The following SLC39A11 variants were observed in gnomAD, a reference collection of about 807,000 sequenced individuals.
The protein encoded by SLC39A11 is solute carrier family 39 member 11, also known as zinc transporter ZIP11.
In SLC39A11, 33 loss-of-function variants were observed where a neutral mutation model predicts 36.1. The observed-to-expected ratio is 0.91, with a 90% CI of 0.69 to 1.22. The LOEUF (loss-of-function observed/expected upper bound fraction) is 1.22. SLC39A11 is among the 50% of genes most tolerant of loss of function. The pLI, the probability that SLC39A11 is intolerant of heterozygous loss-of-function variation, is 0.00. For missense variants in SLC39A11, 432 were observed against 430.3 expected, an observed-to-expected ratio of 1.00 and a Z score of -0.03; for synonymous variants, 166 against 170.3, an observed-to-expected ratio of 0.97 and a Z score of 0.20.
chr17:72,662,498 G>A (rs1352916626), intron 7 of SLC39A11, among the ~76,000 whole-genome samples: 1 of 125,500 alleles, frequency 8.0e-6, no homozygotes, highest in Non-Finnish European at 1.6e-5. Context: ...AGAAAAGGAA[G>A]GAAGGAGGGA....
chr17:72,900,140 AAAAGAAAG>A (rs141681340), intron 5 of SLC39A11, among the ~76,000 whole-genome samples: 3 of 43,902 alleles, frequency 6.8e-5, no homozygotes, highest in South Asian at 6.6e-4. Context: ...GAAAGAAAGA[AAAAGAAAG>A]AAAGAAAAGA....
intron 6 of SLC39A11, among the ~76,000 whole-genome samples, chr17:72,777,723 G>A (rs2076180469): frequency 6.6e-6 from 1 of 152,164 alleles, no homozygotes; most frequent in African/African-American, 2.4e-5. Flanking sequence ...AGAACTGTGA[G>A]AGAATACATT....
At chr17:72,878,862 T>A (rs2081051859) in intron 5 of SLC39A11, among the ~76,000 whole-genome samples, 1 of 152,224 alleles carries the variant, frequency 6.6e-6, no homozygotes. Flanking sequence ...AGACTGCCCA[T>A]ACTTCAGGTC....
intron 4 of SLC39A11, among the ~76,000 whole-genome samples, chr17:72,991,450 C>A (rs549280211): frequency 6.6e-6 from 1 of 152,120 alleles, no homozygotes; most frequent in East Asian, 1.9e-4. Context: ...CTCCACCTCC[C>A]GGGTTGAAGC....
At position 72,696,903 on chromosome 17, in the gene SLC39A11, G is replaced by A. The variant is rs75696664; in HGVS notation, c.671+39747C>T. 7.6e-4 allele frequency among the ~76,000 whole-genome samples: 115 copies of A among 152,222 alleles called. 1 individual carries two copies. In the East Asian group the frequency reaches 0.02, roughly 27 times the overall value. On this transcript the variant is annotated intron_variant, in intron 7 of 9. Coordinates refer to ENST00000255559, the MANE Select transcript of SLC39A11 (RefSeq NM_139177.4). ...CGGTTACAAGCGCCTCATGAGATAC[G>A]CTTCAGCAGCTGCGTTTTATAGACA...
chr17:72,987,487 A>G (rs557057715), intron 4 of SLC39A11, among the ~76,000 whole-genome samples: 104 of 152,296 alleles, frequency 6.8e-4, no homozygotes, highest in Admixed American at 1.8e-3. Context: ...TGGAATGAAC[A>G]ATTAATCCCA....
intron 3 of SLC39A11, among the ~76,000 whole-genome samples, chr17:73,062,297 A>T (rs555656026): frequency 1.7e-4 from 25 of 149,416 alleles, no homozygotes; most frequent in African/African-American, 5.2e-4. Flanking sequence ...CCATCTCTAT[A>T]AAAAAAAATA....
chr17:72,949,601 CTT>C (rs2085718160), intron 4 of SLC39A11, among the ~76,000 whole-genome samples: 1 of 151,876 alleles, frequency 6.6e-6, no homozygotes, highest in Non-Finnish European at 1.5e-5. Flanking sequence ...CAATGGGTCT[CTT>C]TCACACGTCT....
intron 5 of SLC39A11, among the ~76,000 whole-genome samples, chr17:72,933,905 T>C (rs2084583269): frequency 6.6e-6 from 1 of 152,150 alleles, no homozygotes; most frequent in South Asian, 2.1e-4. Context: ...TGAATCAGAA[T>C]GAAGGGTCCA....
At chr17:72,931,662 C>T (rs1014401266) in intron 5 of SLC39A11, among the ~76,000 whole-genome samples, 2 of 152,210 alleles carry the variant, frequency 1.3e-5, no homozygotes, top group African/African-American at 2.4e-5. Flanking sequence ...TGGAACATGA[C>T]GAAAGTCTTA....
intron 5 of SLC39A11, among the ~76,000 whole-genome samples, chr17:72,864,479 A>T (rs1470139613): frequency 1.3e-5 from 2 of 152,146 alleles, no homozygotes; most frequent in Non-Finnish European, 2.9e-5. Flanking sequence ...TCACCAAATA[A>T]GCCATGGGCT....
intron 6 of SLC39A11, among the ~76,000 whole-genome samples, chr17:72,750,336 C>T (rs1320325355): frequency 2.0e-5 from 3 of 151,898 alleles, no homozygotes; most frequent in East Asian, 1.9e-4. Flanking sequence ...ACAACCACAT[C>T]GCCTGTGATT....
At chr17:72,909,821 C>A (rs544404168) in intron 5 of SLC39A11, among the ~76,000 whole-genome samples, 1 of 151,578 alleles carries the variant, frequency 6.6e-6, no homozygotes, top group Admixed American at 6.6e-5. Flanking sequence ...TCTCGGCTCA[C>A]TGCAACCTCC....
At chr17:72,783,018 A>AAAAAAG (rs566022305) in intron 6 of SLC39A11, among the ~76,000 whole-genome samples, 11 of 142,286 alleles carry the variant, frequency 7.7e-5, no homozygotes, top group African/African-American at 3.3e-4. Flanking sequence ...AAAAAAAAAA[A>AAAAAAG]AAAAGAAAAA....
At chr17:72,961,583 T>A (rs898756791) in intron 4 of SLC39A11, among the ~76,000 whole-genome samples, 4 of 152,130 alleles carry the variant, frequency 2.6e-5, no homozygotes, top group Non-Finnish European at 5.9e-5. Flanking sequence ...TTCATGTCCT[T>A]TGCAGGGACA....
At chr17:72,901,078 T>C (rs1391505170) in intron 5 of SLC39A11, among the ~76,000 whole-genome samples, 1 of 151,964 alleles carries the variant, frequency 6.6e-6, no homozygotes, top group Non-Finnish European at 1.5e-5. Flanking sequence ...ATATCAGCAA[T>C]GCTGTTAAAC....
rs202237537 is a variant in SLC39A11 at position 72,959,722 on chromosome 17, T to A, written c.307-11847A>T. ...TACCCCAATAACCTATGGAAAAAAA[T>A]TTTTTTAAATATATACTAATATTGA... On this transcript the variant is annotated intron_variant, in intron 4 of 9. Coordinates refer to ENST00000255559, the MANE Select transcript of SLC39A11 (RefSeq NM_139177.4). 7.8e-4 allele frequency among the ~76,000 whole-genome samples: 118 copies of A among 152,036 alleles called. 1 individual carries two copies. In the East Asian group the frequency reaches 8.7e-3, roughly 11 times the overall value.
intron 4 of SLC39A11, among the ~76,000 whole-genome samples, chr17:72,980,963 T>C (rs918429454): frequency 1.3e-5 from 2 of 149,376 alleles, no homozygotes; most frequent in African/African-American, 2.5e-5. Flanking sequence ...GCAGAGGTTA[T>C]AGTGAGCTGA....
chr17:73,011,900 G>T (rs2090545543), intron 4 of SLC39A11, among the ~76,000 whole-genome samples: 1 of 151,088 alleles, frequency 6.6e-6, no homozygotes, highest in South Asian at 2.1e-4. Context: ...GACCTCAGGT[G>T]ATCCACACGC....
Sources: gnomAD v4.1 joint callset for allele counts (sites outside exome capture counted in the v4.1 genomes callset) on GRCh38, gnomAD v4.1.1 for gene constraint, MANE v1.5 for transcripts, NCBI Gene and HGNC (gene_info 2026-07-23, HGNC 2026-07-21) for gene names.